FAM124A: variants seen among roughly 807,000 people sequenced by gnomAD.
FAM124A encodes the protein family with sequence similarity 124 member A.
In FAM124A, 23 loss-of-function variants were observed where a neutral mutation model predicts 24.5. The observed-to-expected ratio is 0.94, with a 90% CI of 0.68 to 1.33. The LOEUF is 1.33. FAM124A is among the 40% of genes most tolerant of loss of function. The pLI, the probability that FAM124A is intolerant of heterozygous loss-of-function variation, is 0.00. For missense variants in FAM124A, 623 were observed against 722.8 expected, an observed-to-expected ratio of 0.86 and a Z score of 1.58; for synonymous variants, 287 against 314.7, an observed-to-expected ratio of 0.91 and a Z score of 0.93.
intron 1 of FAM124A, among the ~76,000 whole-genome samples, chr13:51,226,904 T>C (rs1353827284): frequency 1.3e-5 from 2 of 152,180 alleles, no homozygotes; most frequent in Admixed American, 1.3e-4. Context: ...TTTCCTCCTC[T>C]GTACAAGAGG....
At chr13:51,271,411 G>T (rs1752529770) in intron 3 of FAM124A, among the ~76,000 whole-genome samples, 1 of 152,084 alleles carries the variant, frequency 6.6e-6, no homozygotes, top group African/African-American at 2.4e-5. Flanking sequence ...AAGTCATTCA[G>T]AATAAAATAA....
chr13:51,271,925 C>T (rs947221767), intron 3 of FAM124A, among the ~76,000 whole-genome samples: 11 of 152,272 alleles, frequency 7.2e-5, no homozygotes, highest in Middle Eastern at 6.8e-3. Flanking sequence ...CTGGTGTTAC[C>T]ACAGTTTAGG....
Position 51,252,058 on chromosome 13 carries a change from C to T in FAM124A, c.691C>T (p.Pro231Ser). 1 of 1,614,044 alleles carries T rather than the reference C, an allele frequency of 6.2e-7. No homozygotes were observed. Among genetic ancestry groups the T allele is most frequent in the Non-Finnish European group, 8.5e-7 (1 of 1,180,018 alleles). ...SLKRLPCDQC[P>S]VPTDSSVLEF... ...GAAAAGACTGCCCTGTGACCAGTGC[C>T]CGGTGCCCACCGACTCCTCCGTGCT... Residue 231 changes from proline (P) to serine (S), a missense_variant, in exon 3 of 4, where the codon CCG becomes TCG. Pro to Ser is a moderately conservative substitution (Grantham distance 74). Transcript: ENST00000322475.
chr13:51,252,475 C>G, intron 3 of FAM124A: 2 of 507,984 alleles, frequency 3.9e-6, no homozygotes. Context: ...TATTGGGCAT[C>G]CACTAAACAC....
At chr13:51,243,095 A>G (rs1221272273) in intron 2 of FAM124A, among the ~76,000 whole-genome samples, 1 of 152,158 alleles carries the variant, frequency 6.6e-6, no homozygotes, top group Non-Finnish European at 1.5e-5. Flanking sequence ...TCTCCATGTT[A>G]AAAATCCTAT....
rs1954943003 is a variant in FAM124A, at chr13:51,281,815, T to A, written c.*559T>A. ...AAAGTCAGCTTGAGAAGTAAACGTATATCAGACTACAGGTAATTCCTCATC... is the reference window on the plus strand; with the variant it reads ...AAAGTCAGCTTGAGAAGTAAACGTAAATCAGACTACAGGTAATTCCTCATC... On this transcript the variant is annotated 3_prime_UTR_variant, in exon 4 of 4. Transcript: ENST00000322475. 6.6e-6 allele frequency: 1 copy of A among 152,262 alleles called. No homozygotes were observed. The allele number at this position is 152,262 out of a possible 1,614,324, so 9.4% of individuals were successfully genotyped here.
chr13:51,267,125 T>G (rs1037963221), intron 3 of FAM124A, among the ~76,000 whole-genome samples: 2 of 152,210 alleles, frequency 1.3e-5, no homozygotes, highest in African/African-American at 4.8e-5. Flanking sequence ...GTTTCTCAAA[T>G]CACTGTTTAC....
chr13:51,262,797 C>T (rs74087429), intron 3 of FAM124A, among the ~76,000 whole-genome samples: 3,659 of 152,318 alleles, frequency 0.024, 143 homozygotes, highest in African/African-American at 0.083. Context: ...TCTCAAGACA[C>T]TATCTTCCCG....
intron 1 of FAM124A, 61 bp downstream of exon 1, chr13:51,222,630 TCCCCGGACGGGGAC>T (rs1179603701): frequency 5.0e-6 from 6 of 1,204,480 alleles, no homozygotes; most frequent in Non-Finnish European, 6.2e-6. Flanking sequence ...CGGCGGCTCC[TCCCCGGACGGGGAC>T]CCTCCTGATC....
At chr13:51,261,933 G>T (rs1381144419) in intron 3 of FAM124A, among the ~76,000 whole-genome samples, 3 of 152,226 alleles carry the variant, frequency 2.0e-5, no homozygotes, top group African/African-American at 7.2e-5. Context: ...GTACTGGAGG[G>T]GGACAAAGAT....
Position 51,281,264 on chromosome 13 carries a change from C to T in FAM124A, c.*8C>T, listed in dbSNP as rs759669364. ...GAGGAATTCTACATCTGAATGCCCT[C>T]TGCTCTTGTTCTCGAAACACACAAA... On this transcript the variant is annotated 3_prime_UTR_variant, in exon 4 of 4. Coordinates refer to ENST00000322475, the MANE Select transcript of FAM124A (RefSeq NM_001242312.2). 6.5e-7 allele frequency: 1 copy of T among 1,542,378 alleles called. No homozygotes were observed. The highest frequency in any genetic ancestry group is 1.2e-5 in the South Asian group (1 of 80,298).
intron 3 of FAM124A, among the ~76,000 whole-genome samples, chr13:51,280,239 C>T (rs564938632): frequency 7.2e-5 from 11 of 152,312 alleles, no homozygotes; most frequent in African/African-American, 2.4e-4. Flanking sequence ...CTCCTAGCCT[C>T]GGAGATGGCT....
intron 2 of FAM124A, among the ~76,000 whole-genome samples, chr13:51,246,399 T>TGGGCGGGG (rs1555273658): frequency 2.1e-4 from 19 of 91,800 alleles, no homozygotes; most frequent in African/African-American, 5.6e-4. Flanking sequence ...ATGTTTCTCG[T>TGGGCGGGG]GGGGTGGGGG....
intron 1 of FAM124A, among the ~76,000 whole-genome samples, chr13:51,231,131 C>T (rs1021463688): frequency 9.2e-5 from 14 of 152,212 alleles, no homozygotes; most frequent in African/African-American, 3.1e-4. Context: ...TTGCAGAACT[C>T]ACATGAGAGC....
Position 51,283,827 on chromosome 13 carries a change from T to C in FAM124A, c.*2571T>C, listed in dbSNP as rs1954962597. On this transcript the variant is annotated 3_prime_UTR_variant, in exon 4 of 4. Coordinates refer to ENST00000322475, the MANE Select transcript of FAM124A (RefSeq NM_001242312.2). ...TGGCCGAGGGCTGGCTCCTTCTTTC[T>C]CCCTAATCAGTGTCCTTATTTCAGT... 7.0e-6 allele frequency: 1 copy of C among 142,366 alleles called. No individual in the cohort carries two copies. The highest frequency in any genetic ancestry group is 2.6e-5 in the African/African-American group (1 of 39,134). 8.8% of individuals were successfully genotyped at this position (142,366 alleles called of 1,614,324 possible). A position where few individuals can be genotyped will look rare whatever the true frequency, so the allele number is the denominator to read the frequency against.
At chr13:51,275,065 CA>C (rs1377944471) in intron 3 of FAM124A, among the ~76,000 whole-genome samples, 1 of 152,038 alleles carries the variant, frequency 6.6e-6, no homozygotes, top group African/African-American at 2.4e-5. Context: ...GATGCAGTAG[CA>C]AAAAGTTTTT....
chr13:51,271,660 C>T (rs1023126431), intron 3 of FAM124A, among the ~76,000 whole-genome samples: 1 of 152,108 alleles, frequency 6.6e-6, no homozygotes. Context: ...TGCAAAGTAC[C>T]GGCCCACGTA....
chr13:51,230,719 G>A (rs996728876), intron 1 of FAM124A, among the ~76,000 whole-genome samples: 1 of 152,154 alleles, frequency 6.6e-6, no homozygotes, highest in African/African-American at 2.4e-5. Context: ...AAACTGAAAG[G>A]GCGATTTCAC....
At chr13:51,236,049 AGATAGCCTCCCTTCCTGTC>A (rs1954431759) in intron 2 of FAM124A, among the ~76,000 whole-genome samples, 1 of 152,124 alleles carries the variant, frequency 6.6e-6, no homozygotes, top group Admixed American at 6.5e-5. Context: ...CCAGTAACTC[AGATAGCCTCCCTTCCTGTC>A]GACATCCTCC....
Sources: allele counts gnomAD v4.1 joint callset (sites outside exome capture counted in the v4.1 genomes callset), GRCh38; gene constraint gnomAD v4.1.1; transcripts MANE v1.5; gene names NCBI Gene and HGNC (gene_info 2026-07-23, HGNC 2026-07-21).